The following GUCY1A2 variants were observed in gnomAD, a reference collection of about 807,000 sequenced individuals.
GUCY1A2 encodes the protein guanylate cyclase soluble subunit alpha-2.
Under a neutral mutation model 63.5 loss-of-function variants are expected in GUCY1A2, and 27 were observed. The observed-to-expected ratio is 0.43, with a 90% CI of 0.31 to 0.59. The LOEUF (loss-of-function observed/expected upper bound fraction) is 0.59. GUCY1A2 is among the 20% of genes least tolerant of loss of function. The probability of loss-of-function intolerance (pLI) is 0.11; values close to 1 mark genes in which losing one functional copy is unlikely to be tolerated. For missense variants in GUCY1A2, 768 were observed against 913.3 expected (o/e 0.84, Z 2.05); for synonymous variants, 364 against 343.5 (o/e 1.06, Z -0.66).
chr11:106,955,552 T>C (rs112828760), intron 3 of GUCY1A2, among the ~76,000 whole-genome samples: 22,981 of 152,152 alleles, frequency 0.15, 2,062 homozygotes, highest in South Asian at 0.26. Flanking sequence ...CATTTCTCCT[T>C]TGCTTATGAA....
At chr11:106,921,132 T>G (rs931096666) in intron 4 of GUCY1A2, among the ~76,000 whole-genome samples, 1 of 152,140 alleles carries the variant, frequency 6.6e-6, no homozygotes, top group East Asian at 1.9e-4. Context: ...TATGATACCC[T>G]GGGAAAAGCC....
At chr11:106,990,801 C>CT (rs1005295435) in intron 1 of GUCY1A2, among the ~76,000 whole-genome samples, 11 of 152,174 alleles carry the variant, frequency 7.2e-5, no homozygotes, top group African/African-American at 2.7e-4. Context: ...GAGGCTCCCT[C>CT]TTACCTTTCA....
At chr11:106,705,948 A>C (rs773624348) in intron 7 of GUCY1A2, among the ~76,000 whole-genome samples, 5 of 152,212 alleles carry the variant, frequency 3.3e-5, no homozygotes, top group Non-Finnish European at 5.9e-5. Context: ...AATTACAAAG[A>C]AAATGTTTTG....
At chr11:106,762,488 C>CAGTT (rs1380088055) in intron 6 of GUCY1A2, among the ~76,000 whole-genome samples, 1 of 151,934 alleles carries the variant, frequency 6.6e-6, no homozygotes, top group Non-Finnish European at 1.5e-5. Flanking sequence ...GCTAATAAAA[C>CAGTT]AGTTATAGTT....
At chr11:106,909,220 G>T (rs1181966858) in intron 4 of GUCY1A2, among the ~76,000 whole-genome samples, 1 of 151,762 alleles carries the variant, frequency 6.6e-6, no homozygotes, top group African/African-American at 2.4e-5. Flanking sequence ...TTAGTTGCAA[G>T]AAATAACAGA....
intron 4 of GUCY1A2, among the ~76,000 whole-genome samples, chr11:106,922,341 T>C (rs1259369777): frequency 2.0e-5 from 3 of 152,064 alleles, no homozygotes; most frequent in Admixed American, 1.3e-4. Context: ...AACAATTGAA[T>C]GTCTACCTTA....
At chr11:106,973,249 T>C (rs1386061706) in intron 3 of GUCY1A2, among the ~76,000 whole-genome samples, 1 of 152,136 alleles carries the variant, frequency 6.6e-6, no homozygotes, top group African/African-American at 2.4e-5. Flanking sequence ...GCTGGCCTAA[T>C]GATGTCTAAC....
At chr11:106,842,907 A>G (rs183482236) in intron 4 of GUCY1A2, among the ~76,000 whole-genome samples, 2 of 152,048 alleles carry the variant, frequency 1.3e-5, no homozygotes, top group Non-Finnish European at 2.9e-5. Flanking sequence ...TGTCTGTGGC[A>G]GTGCCATGTC....
chr11:106,928,460 G>T (rs1860557764), intron 4 of GUCY1A2, among the ~76,000 whole-genome samples: 2 of 149,318 alleles, frequency 1.3e-5, no homozygotes, highest in African/African-American at 2.5e-5. Flanking sequence ...AATATGCTCA[G>T]ATTTTTGACC....
intron 5 of GUCY1A2, among the ~76,000 whole-genome samples, chr11:106,808,267 T>C (rs1181477734): frequency 6.6e-6 from 1 of 152,106 alleles, no homozygotes; most frequent in African/African-American, 2.4e-5. Context: ...TATATGTGTG[T>C]GTGTATATAT....
rs1862463864 is a variant in GUCY1A2 at position 106,683,386 on chromosome 11, G to C, written c.*4163C>G. 4.5e-6 allele frequency: 1 copy of C among 224,634 alleles called. No homozygotes were observed. The highest frequency in any genetic ancestry group is 8.9e-6 in the Non-Finnish European group (1 of 112,670). 13.9% of individuals were successfully genotyped at this position (224,634 alleles called of 1,614,324 possible). On this transcript the variant is annotated 3_prime_UTR_variant, in exon 8 of 8. Coordinates refer to ENST00000526355, the MANE Select transcript of GUCY1A2 (RefSeq NM_000855.3). ...GAGTCATTTATAATTAATTTCAAAG[G>C]AACATTCAGTGAAGCTGTATGAAGT...
At chr11:107,002,372 G>T (rs1202015175) in intron 1 of GUCY1A2, among the ~76,000 whole-genome samples, 1 of 145,346 alleles carries the variant, frequency 6.9e-6, no homozygotes, top group Non-Finnish European at 1.5e-5. Flanking sequence ...TATCAGACAT[G>T]GAGAGAATAA....
Position 106,939,814 on chromosome 11 carries a change from G to GGTTTGAAACATCAAA in GUCY1A2, c.851_852insTTTGATGTTTCAAAC (p.Gly284_Asn285insLeuMetPheGlnThr). 6.2e-7 allele frequency: 1 copy of GGTTTGAAACATCAAA among 1,613,326 alleles called. No homozygotes were observed. Among genetic ancestry groups the GGTTTGAAACATCAAA allele is most frequent in the Non-Finnish European group, 8.5e-7 (1 of 1,179,278 alleles). ...TAAGGAAAGTAAGACAGCTACAATT[G>GGTTTGAAACATCAAA]CCTGGGTTTGAAACATCAGAGCATA... On this transcript the variant is annotated inframe_insertion, in exon 4 of 8. Transcript: ENST00000526355.
chr11:106,690,230 T>C (rs1862599040), intron 7 of GUCY1A2, among the ~76,000 whole-genome samples: 2 of 152,190 alleles, frequency 1.3e-5, no homozygotes, highest in East Asian at 1.9e-4. Flanking sequence ...TGTATGTTAA[T>C]TGCAGCACTA....
chr11:106,720,373 G>A (rs1176686461), intron 6 of GUCY1A2, among the ~76,000 whole-genome samples: 1 of 152,178 alleles, frequency 6.6e-6, no homozygotes, highest in African/African-American at 2.4e-5. Flanking sequence ...CATGGTGCTG[G>A]GGTGGAGGGC....
chr11:106,984,541 T>C (rs1861377061), intron 2 of GUCY1A2, among the ~76,000 whole-genome samples: 1 of 152,194 alleles, frequency 6.6e-6, no homozygotes, highest in Admixed American at 6.5e-5. Context: ...GCCTTGAAGG[T>C]ATACTTTAGT....
intron 6 of GUCY1A2, among the ~76,000 whole-genome samples, chr11:106,755,940 A>T (rs1336815782): frequency 6.6e-6 from 1 of 152,174 alleles, no homozygotes; most frequent in African/African-American, 2.4e-5. Flanking sequence ...TAATGTTGAC[A>T]TTAGGGTGTT....
chr11:106,964,877 G>A (rs1236552521), intron 3 of GUCY1A2, among the ~76,000 whole-genome samples: 1 of 152,142 alleles, frequency 6.6e-6, no homozygotes, highest in African/African-American at 2.4e-5. Flanking sequence ...CTACTCGGGA[G>A]GCTGAGGTAG....
chr11:106,838,089 C>T (rs1421436901), intron 4 of GUCY1A2, among the ~76,000 whole-genome samples: 9 of 151,984 alleles, frequency 5.9e-5, no homozygotes, highest in Non-Finnish European at 1.0e-4. Flanking sequence ...AGATGCTTTC[C>T]CAATGTCACC....
Sources: gnomAD v4.1 joint callset for allele counts (sites outside exome capture counted in the v4.1 genomes callset) on GRCh38, gnomAD v4.1.1 for gene constraint, MANE v1.5 for transcripts, NCBI Gene and HGNC (gene_info 2026-07-23, HGNC 2026-07-21) for gene names.